Variants in PLSCR2 observed in about 807,000 individuals in gnomAD.
PLSCR2 encodes phospholipid scramblase 2, also known as PL scramblase 2.
PLSCR2 carries 18 observed loss-of-function variants against 25.3 expected under a neutral mutation model. The observed-to-expected ratio is 0.71, with a 90% CI of 0.49 to 1.06. PLSCR2 has a LOEUF of 1.06. Among genes scored for constraint, PLSCR2 ranks in the 50% least tolerant of loss-of-function variants. PLSCR2 has a pLI of 0.00. For missense variants in PLSCR2, 243 were observed against 269.5 expected (o/e 0.90, Z 0.69); for synonymous variants, 88 against 87.3 (o/e 1.01, Z -0.04).
In PLSCR2 at chr3:146,488,042, T is replaced by C. The variant is rs1324927344; in HGVS notation, c.-293+7853A>G. On this transcript the variant is annotated intron_variant, in intron 1 of 8. Transcript: ENST00000336685. ...CCAGACATCTACAACCATCTGATCT[T>C]TGACAAACCTGACAAAAACAAGAAA... 2.6e-5 allele frequency among the ~76,000 whole-genome samples: 4 copies of C among 152,142 alleles called. No homozygotes were observed. In the East Asian group the frequency reaches 7.7e-4, roughly 29 times the overall value.
intron 2 of PLSCR2, among the ~76,000 whole-genome samples, chr3:146,416,043 C>T (rs1300858745): frequency 2.0e-5 from 3 of 152,042 alleles, no homozygotes; most frequent in Non-Finnish European, 4.4e-5. Flanking sequence ...CTCTGTTTCC[C>T]GGGTTCACAC....
chr3:146,491,746 G>C (rs753158500), intron 1 of PLSCR2, among the ~76,000 whole-genome samples: 3 of 151,926 alleles, frequency 2.0e-5, no homozygotes, highest in Non-Finnish European at 2.9e-5. Context: ...TCAACTCTTG[G>C]ATCATATTAT....
chr3:146,451,164 G>C (rs2040872263), intron 5 of PLSCR2, among the ~76,000 whole-genome samples: 1 of 143,044 alleles, frequency 7.0e-6, no homozygotes, highest in Admixed American at 7.4e-5. Flanking sequence ...CCCCAGGCTG[G>C]AGTGCAACGG....
At chr3:146,439,177 AC>A (rs1445391045), downstream of PLSCR2, among the ~76,000 whole-genome samples, 1 of 152,118 alleles carries the variant, frequency 6.6e-6, no homozygotes, top group East Asian at 1.9e-4. Flanking sequence ...TTTGTGGGTA[AC>A]CTGACCTTTC....
intron 1 of PLSCR2, among the ~76,000 whole-genome samples, chr3:146,495,704 T>C (rs1312959253): frequency 6.6e-6 from 1 of 152,228 alleles, no homozygotes; most frequent in Non-Finnish European, 1.5e-5. Flanking sequence ...GTTTCTGTTA[T>C]TATAAGTCAC....
chr3:146,493,004 A>AG (rs2108586063), intron 1 of PLSCR2, among the ~76,000 whole-genome samples: 1 of 151,982 alleles, frequency 6.6e-6, no homozygotes, highest in South Asian at 2.1e-4. Flanking sequence ...TACAAAAAAA[A>AG]AGTCTCAAAG....
At chr3:146,447,533 T>A (rs2040624916) in intron 6 of PLSCR2, among the ~76,000 whole-genome samples, 1 of 152,160 alleles carries the variant, frequency 6.6e-6, no homozygotes, top group Non-Finnish European at 1.5e-5. Flanking sequence ...GGACTCTGTT[T>A]AGTGTCCTAT....
chr3:146,457,726 C>T (rs988163879), intron 3 of PLSCR2, among the ~76,000 whole-genome samples: 1 of 152,132 alleles, frequency 6.6e-6, no homozygotes, highest in African/African-American at 2.4e-5. Flanking sequence ...TAAAGGTGAT[C>T]ACAAATTGGA....
chr3:146,409,679 T>C (rs2038781543), intron 2 of PLSCR2, among the ~76,000 whole-genome samples: 1 of 152,158 alleles, frequency 6.6e-6, no homozygotes, highest in African/African-American at 2.4e-5. Flanking sequence ...GACTTCATAA[T>C]TCTCTGAAAA....
chr3:146,423,045 G>A (rs964713628), intron 2 of PLSCR2, among the ~76,000 whole-genome samples: 10 of 151,856 alleles, frequency 6.6e-5, no homozygotes, highest in South Asian at 2.1e-4. Flanking sequence ...TTAGGATGTC[G>A]GCAGTGTGTA....
intron 2 of PLSCR2, among the ~76,000 whole-genome samples, chr3:146,401,062 G>A (rs2038456384): frequency 6.6e-6 from 1 of 151,972 alleles, no homozygotes; most frequent in African/African-American, 2.4e-5. Flanking sequence ...GGAAACACGA[G>A]GTAGAGTCTT....
chr3:146,418,537 T>C (rs1362718360), intron 2 of PLSCR2, among the ~76,000 whole-genome samples: 1 of 152,096 alleles, frequency 6.6e-6, no homozygotes, highest in Non-Finnish European at 1.5e-5. Context: ...AGGGAGAATA[T>C]AGAATGAAAA....
intron 1 of PLSCR2, among the ~76,000 whole-genome samples, chr3:146,493,477 A>G (rs1016722764): frequency 1.3e-5 from 2 of 152,210 alleles, no homozygotes; most frequent in African/African-American, 4.8e-5. Context: ...TTGGTTCAGC[A>G]TATGCAATTC....
At chr3:146,411,499 A>T (rs943947951) in intron 2 of PLSCR2, among the ~76,000 whole-genome samples, 5 of 152,180 alleles carry the variant, frequency 3.3e-5, no homozygotes, top group African/African-American at 9.7e-5. Context: ...GGGGACCTGA[A>T]AATTCTTAGG....
At chr3:146,476,656 C>T (rs918845291) in intron 1 of PLSCR2, among the ~76,000 whole-genome samples, 1 of 152,238 alleles carries the variant, frequency 6.6e-6, no homozygotes, top group Non-Finnish European at 1.5e-5. Flanking sequence ...ATCACTACAG[C>T]TCCAGCCCAC....
At chr3:146,484,448 A>G (rs1343768734) in intron 1 of PLSCR2, among the ~76,000 whole-genome samples, 1 of 152,022 alleles carries the variant, frequency 6.6e-6, no homozygotes, top group Non-Finnish European at 1.5e-5. Flanking sequence ...AACACCATTA[A>G]GATGCTTTAT....
At chr3:146,408,104 G>A (rs1479230928) in intron 2 of PLSCR2, among the ~76,000 whole-genome samples, 2 of 152,154 alleles carry the variant, frequency 1.3e-5, no homozygotes, top group African/African-American at 4.8e-5. Flanking sequence ...ATGAGGAGCC[G>A]TAAGGGTTAA....
exon 5 of PLSCR2, chr3:146,454,069 C>T (rs946068491): frequency 1.2e-6 from 2 of 1,610,500 alleles, no homozygotes; most frequent in African/African-American, 2.7e-5. Flanking sequence ...TACATCCTCT[C>T]TTTTCTGATT....
At chr3:146,418,676 G>A (rs1464794111) in intron 2 of PLSCR2, among the ~76,000 whole-genome samples, 1 of 152,132 alleles carries the variant, frequency 6.6e-6, no homozygotes, top group Non-Finnish European at 1.5e-5. Flanking sequence ...CTCTTGTCCT[G>A]CAGCTCTGCC....
Sources: gnomAD v4.1 joint callset for allele counts (sites outside exome capture counted in the v4.1 genomes callset) on GRCh38, gnomAD v4.1.1 for gene constraint, MANE v1.5 for transcripts, NCBI Gene and HGNC (gene_info 2026-07-23, HGNC 2026-07-21) for gene names.